CNTNAP2: variants seen among roughly 807,000 people sequenced by gnomAD.
The protein encoded by CNTNAP2 is contactin-associated protein-like 2.
Under a neutral mutation model 155.2 loss-of-function variants are expected in CNTNAP2, and 98 were observed. The observed-to-expected ratio is 0.63, with a 90% confidence interval of 0.54 to 0.75. The LOEUF is 0.75. Ranked by LOEUF, CNTNAP2 falls within the 30% of genes least tolerant of loss-of-function variation. CNTNAP2 has a pLI of 0.00. For synonymous variants in CNTNAP2, 651 were observed against 631.2 expected (o/e 1.03, Z -0.47); for missense variants, 1,727 against 1,688.1 (o/e 1.02, Z -0.40).
At chr7:146,162,353 A>T (rs1035665064) in intron 1 of CNTNAP2, among the ~76,000 whole-genome samples, 1 of 152,222 alleles carries the variant, frequency 6.6e-6, no homozygotes, top group Admixed American at 6.5e-5. Flanking sequence ...AAAGGATATG[A>T]ACAGACACTT....
At chr7:147,180,205 C>G (rs893882535) in intron 8 of CNTNAP2, among the ~76,000 whole-genome samples, 1 of 152,096 alleles carries the variant, frequency 6.6e-6, no homozygotes, top group Non-Finnish European at 1.5e-5. Context: ...CTTAATTTTT[C>G]CCCAATATAT....
chr7:146,448,871 A>AAAT (rs1796439544), intron 1 of CNTNAP2, among the ~76,000 whole-genome samples: 1 of 151,928 alleles, frequency 6.6e-6, no homozygotes, highest in Non-Finnish European at 1.5e-5. Context: ...GGATGTAGAA[A>AAAT]CCTTGACTCC....
At chr7:147,547,630 A>AAAAC (rs60231636) in intron 11 of CNTNAP2, among the ~76,000 whole-genome samples, 40,044 of 115,944 alleles carry the variant, frequency 0.35, 5,646 homozygotes, top group East Asian at 0.4. Context: ...ATTTCTTCTA[A>AAAAC]ACACACACAC....
chr7:146,893,138 T>C (rs1795812892), intron 3 of CNTNAP2, among the ~76,000 whole-genome samples: 1 of 152,168 alleles, frequency 6.6e-6, no homozygotes, highest in African/African-American at 2.4e-5. Context: ...TCTATTTCTG[T>C]GTCAGAAGAA....
At position 147,706,961 on chromosome 7, in the gene CNTNAP2, C is replaced by A. The variant is rs1796325654; in HGVS notation, c.2098+67655C>A. On this transcript the variant is annotated intron_variant, in intron 13 of 23. Coordinates refer to ENST00000361727, the MANE Select transcript of CNTNAP2 (RefSeq NM_014141.6). ...TTTTTATTTCATTTAAGGAATTATT[C>A]AGTTTCACAATTTCTGTTTGGTCCT... Among the ~76,000 whole-genome samples, 4 of 152,186 alleles carry A rather than the reference C, an allele frequency of 2.6e-5. No homozygotes were observed. In the South Asian group the frequency reaches 8.3e-4, roughly 32 times the overall value.
At chr7:147,608,651 A>G (rs1321752153) in intron 12 of CNTNAP2, among the ~76,000 whole-genome samples, 1 of 152,192 alleles carries the variant, frequency 6.6e-6, no homozygotes, top group Non-Finnish European at 1.5e-5. Context: ...ATTGATGATA[A>G]TGAGAGATAT....
chr7:147,219,385 A>G (rs1803345200), intron 8 of CNTNAP2, among the ~76,000 whole-genome samples: 1 of 152,124 alleles, frequency 6.6e-6, no homozygotes, highest in Admixed American at 6.5e-5. Flanking sequence ...ATAGCAGAAG[A>G]CCCAAGAGCC....
At chr7:147,960,827 CT>C (rs1801106225) in intron 14 of CNTNAP2, among the ~76,000 whole-genome samples, 1 of 121,674 alleles carries the variant, frequency 8.2e-6, no homozygotes, top group South Asian at 3.1e-4. Context: ...TCTCTCCCTC[CT>C]TCTCTCTCTC....
intron 4 of CNTNAP2, among the ~76,000 whole-genome samples, chr7:147,052,709 G>GA (rs890139439): frequency 5.3e-5 from 8 of 150,416 alleles, no homozygotes; most frequent in African/African-American, 9.8e-5. Flanking sequence ...CTTATCAGAG[G>GA]AAAAAAAACC....
chr7:147,417,976 T>C (rs1016196646), intron 10 of CNTNAP2, among the ~76,000 whole-genome samples: 9 of 152,342 alleles, frequency 5.9e-5, no homozygotes, highest in African/African-American at 1.7e-4. Flanking sequence ...ATTAGTAACA[T>C]AGTGAAATAA....
chr7:146,839,040 T>A (rs752777060), intron 2 of CNTNAP2, among the ~76,000 whole-genome samples: 1 of 152,134 alleles, frequency 6.6e-6, no homozygotes, highest in Non-Finnish European at 1.5e-5. Flanking sequence ...TCTTACTATT[T>A]GCTGAGCAAT....
intron 13 of CNTNAP2, among the ~76,000 whole-genome samples, chr7:147,848,724 A>T (rs1798862883): frequency 6.6e-6 from 1 of 152,182 alleles, no homozygotes; most frequent in South Asian, 2.1e-4. Context: ...TAAAAAAAAA[A>T]AATAACTAAA....
intron 1 of CNTNAP2, among the ~76,000 whole-genome samples, chr7:146,211,514 A>G (rs1311508761): frequency 6.6e-6 from 1 of 152,086 alleles, no homozygotes; most frequent in South Asian, 2.1e-4. Flanking sequence ...GCCCACTTAG[A>G]TGTATTTTTG....
At chr7:146,649,601 A>G (rs1799871227) in intron 1 of CNTNAP2, among the ~76,000 whole-genome samples, 1 of 152,182 alleles carries the variant, frequency 6.6e-6, no homozygotes, top group Non-Finnish European at 1.5e-5. Context: ...TTGTGTATGA[A>G]TAACCATCTT....
intron 10 of CNTNAP2, among the ~76,000 whole-genome samples, chr7:147,411,341 A>G (rs2116488570): frequency 6.6e-6 from 1 of 152,308 alleles, no homozygotes; most frequent in South Asian, 2.1e-4. Flanking sequence ...TTTTCTAGTA[A>G]AGTATCTGTC....
intron 13 of CNTNAP2, among the ~76,000 whole-genome samples, chr7:147,744,084 C>T (rs1319949465): frequency 2.6e-5 from 4 of 152,102 alleles, no homozygotes; most frequent in Admixed American, 6.5e-5. Context: ...TAGCACAGGG[C>T]GTGTTATACA....
At chr7:148,250,309 G>T (rs546824828) in intron 20 of CNTNAP2, among the ~76,000 whole-genome samples, 1 of 152,144 alleles carries the variant, frequency 6.6e-6, no homozygotes, top group South Asian at 2.1e-4. Context: ...AAAAGACTTC[G>T]AATTTATCCC....
At chr7:148,280,724 G>T (rs935504979) in intron 21 of CNTNAP2, among the ~76,000 whole-genome samples, 7 of 152,030 alleles carry the variant, frequency 4.6e-5, no homozygotes, top group Non-Finnish European at 1.0e-4. Flanking sequence ...TTTCAGACCA[G>T]CCTAGTCAAC....
At position 146,152,400 on chromosome 7, in the gene CNTNAP2, A is replaced by T. The variant is rs186563466; in HGVS notation, c.97+35427A>T. ...GTGGAGACTGGGGAGATACTGATCAAAGGATACAAAATTTCAGTTAGATGG... is the reference window on the plus strand; with the variant it reads ...GTGGAGACTGGGGAGATACTGATCATAGGATACAAAATTTCAGTTAGATGG... On this transcript the variant is annotated intron_variant, in intron 1 of 23. Coordinates refer to ENST00000361727, the MANE Select transcript of CNTNAP2 (RefSeq NM_014141.6). Among the ~76,000 whole-genome samples the T allele has an allele frequency of 7.2e-5, 11 of 152,196 alleles. No homozygotes were observed. The East Asian group carries it at 2.1e-3, about 29-fold the overall frequency.
Sources: allele counts gnomAD v4.1 joint callset (sites outside exome capture counted in the v4.1 genomes callset), GRCh38; gene constraint gnomAD v4.1.1; transcripts MANE v1.5; gene names NCBI Gene and HGNC (gene_info 2026-07-23, HGNC 2026-07-21).